Variants in NTM observed in about 807,000 individuals in gnomAD.
NTM encodes the protein IgLON family member 2.
NTM carries 13 observed loss-of-function variants against 42.1 expected under a neutral mutation model. The observed-to-expected ratio is 0.31, with a 90% CI of 0.20 to 0.49. NTM has a LOEUF of 0.49. Ranked by LOEUF, NTM falls within the 20% of genes least tolerant of loss-of-function variation. NTM has a pLI of 0.99. For missense variants in NTM, 373 were observed against 452.8 expected, an observed-to-expected ratio of 0.82 and a Z score of 1.60; for synonymous variants, 187 against 179.2, an observed-to-expected ratio of 1.04 and a Z score of -0.35.
At chr11:131,795,011 C>G (rs956841579) in intron 1 of NTM, 2 of 985,008 alleles carry the variant, frequency 2.0e-6, no homozygotes, top group Non-Finnish European at 2.4e-6. Context: ...AGTACTCAGC[C>G]GTGCTCCTTC....
intron 2 of NTM, among the ~76,000 whole-genome samples, chr11:131,952,166 C>T (rs565745260): frequency 6.6e-6 from 1 of 152,242 alleles, no homozygotes; most frequent in South Asian, 2.1e-4. Flanking sequence ...TCATAAAACA[C>T]ATCTCCGATT....
chr11:132,150,944 T>C (rs2071758670), intron 3 of NTM, among the ~76,000 whole-genome samples: 1 of 152,200 alleles, frequency 6.6e-6, no homozygotes, highest in Non-Finnish European at 1.5e-5. Context: ...AAATGTGAAA[T>C]GTAAGAAATA....
intron 1 of NTM, among the ~76,000 whole-genome samples, chr11:131,486,883 A>C (rs10736598): frequency 0.39 from 58,860 of 152,168 alleles, 11,512 homozygotes; most frequent in East Asian, 0.49. Flanking sequence ...GCGGGATGCC[A>C]GCCCTGGATG....
At chr11:131,468,701 T>A (rs1952130535) in intron 1 of NTM, among the ~76,000 whole-genome samples, 2 of 152,130 alleles carry the variant, frequency 1.3e-5, no homozygotes, top group African/African-American at 4.8e-5. Context: ...GTCTGTCGAG[T>A]TGTTAACAGA....
chr11:131,760,003 G>C (rs1298715374), intron 1 of NTM, among the ~76,000 whole-genome samples: 1 of 152,114 alleles, frequency 6.6e-6, no homozygotes, highest in African/African-American at 2.4e-5. Flanking sequence ...TATTAAAGGA[G>C]GCTGGATCAC....
At chr11:131,401,510 C>A (rs1160628818) in intron 1 of NTM, among the ~76,000 whole-genome samples, 2 of 151,734 alleles carry the variant, frequency 1.3e-5, no homozygotes, top group Admixed American at 6.6e-5. Flanking sequence ...TGTAGCCATA[C>A]TTGATACATA....
At chr11:132,333,312 G>C in intron 8 of NTM, among the ~76,000 whole-genome samples, 1 of 152,126 alleles carries the variant, frequency 6.6e-6, no homozygotes, top group Admixed American at 6.6e-5. Flanking sequence ...GAGTTGCCTA[G>C]AGGGGAAGGA....
rs149953874 is a variant in NTM, at chr11:131,590,035, G to A, written c.82+219147G>A. 3.1e-3 allele frequency among the ~76,000 whole-genome samples: 467 copies of A among 152,294 alleles called. 2 individuals are homozygous for A. The highest frequency in any genetic ancestry group is 0.01 in the African/African-American group (422 of 41,562). On this transcript the variant is annotated intron_variant, in intron 1 of 8. Coordinates refer to ENST00000683400, the MANE Select transcript of NTM (RefSeq NM_001352005.2). The stretch of plus-strand genomic sequence containing the variant: ...ACTGGAACGTTCTCACTCCAAGGCT[G>A]GAAAAATGACTCCCAGGATAATCTG...
At chr11:131,739,620 G>A (rs994919555) in intron 1 of NTM, among the ~76,000 whole-genome samples, 4 of 152,312 alleles carry the variant, frequency 2.6e-5, no homozygotes, top group Middle Eastern at 3.4e-3. Flanking sequence ...TCAGTGCCAC[G>A]TTTTGGAACT....
At chr11:132,327,839 C>T in intron 7 of NTM, among the ~76,000 whole-genome samples, 1 of 151,628 alleles carries the variant, frequency 6.6e-6, no homozygotes, top group East Asian at 1.9e-4. Flanking sequence ...CCCTTCCTTC[C>T]TTCCTTCCAT....
Position 131,745,724 on chromosome 11 carries a change from G to GA in NTM, c.83-165831dup, listed in dbSNP as rs201059163. ...ATATCTAACCTATAGTAGGTGGTGAGAAAAAAAAATGAGACAAATGAGACA... is the reference window on the plus strand; with the variant it reads ...ATATCTAACCTATAGTAGGTGGTGAGAAAAAAAAAATGAGACAAATGAGACA... On this transcript the variant is annotated intron_variant, in intron 1 of 8. Transcript: ENST00000683400. 2.1e-3 allele frequency among the ~76,000 whole-genome samples: 321 copies of GA among 149,854 alleles called. 1 individual carries two copies. Among genetic ancestry groups the GA allele is most frequent in the Non-Finnish European group, 3.3e-3 (220 of 67,372 alleles).
At chr11:131,935,200 C>A (rs896254603) in intron 2 of NTM, among the ~76,000 whole-genome samples, 3 of 152,042 alleles carry the variant, frequency 2.0e-5, no homozygotes, top group Non-Finnish European at 4.4e-5. Flanking sequence ...AACAGAGTAA[C>A]GGTGGTTTTG....
At chr11:131,911,402 A>C (rs2054946559) in intron 1 of NTM, 162 bp from the exon 2 acceptor site, 2 of 1,597,668 alleles carry the variant, frequency 1.3e-6, no homozygotes, top group South Asian at 1.1e-5. Flanking sequence ...CTCGCTCCGC[A>C]CCCCACCCAC....
Position 131,613,222 on chromosome 11 carries a change from G to A in NTM, c.82+242334G>A, listed in dbSNP as rs73590421. Among the ~76,000 whole-genome samples the A allele has an allele frequency of 3.3e-3, 505 of 152,148 alleles. 5 individuals carry two copies. The highest frequency in any genetic ancestry group is 0.011 in the African/African-American group (467 of 41,508). ...ACCCTCAGGTCTGGGCACTCTCCTCGCCCTGGAAGCTCATAGGCCACTCCG... is the reference window on the plus strand; with the variant it reads ...ACCCTCAGGTCTGGGCACTCTCCTCACCCTGGAAGCTCATAGGCCACTCCG... On this transcript the variant is annotated intron_variant, in intron 1 of 8. Coordinates refer to ENST00000683400, the MANE Select transcript of NTM (RefSeq NM_001352005.2).
intron 1 of NTM, among the ~76,000 whole-genome samples, chr11:131,507,869 G>T (rs1334314710): frequency 6.6e-6 from 1 of 151,534 alleles, no homozygotes; most frequent in Non-Finnish European, 1.5e-5. Context: ...GTCTGTTGTT[G>T]GTGTATAAGA....
chr11:131,761,581 A>T (rs929860032), intron 1 of NTM, among the ~76,000 whole-genome samples: 1 of 152,072 alleles, frequency 6.6e-6, no homozygotes, highest in African/African-American at 2.4e-5. Flanking sequence ...AGGTGGGCAG[A>T]TCACCTGAGG....
At chr11:132,022,789 G>T (rs1305752991) in intron 2 of NTM, among the ~76,000 whole-genome samples, 1 of 152,180 alleles carries the variant, frequency 6.6e-6, no homozygotes. Flanking sequence ...AAGAAAATGT[G>T]CACTGTGGTC....
intron 1 of NTM, among the ~76,000 whole-genome samples, chr11:131,576,160 C>G (rs1228452108): frequency 5.3e-5 from 8 of 152,162 alleles, no homozygotes; most frequent in Non-Finnish European, 5.9e-5. Flanking sequence ...AAGGACCCAG[C>G]CCCCAGACCA....
At chr11:131,491,416 T>C (rs983175620) in intron 1 of NTM, among the ~76,000 whole-genome samples, 1 of 140,924 alleles carries the variant, frequency 7.1e-6, no homozygotes, top group East Asian at 1.9e-4. Context: ...TGTGGGTATA[T>C]TTTAGCCTTT....
Sources: gnomAD v4.1 joint callset for allele counts (sites outside exome capture counted in the v4.1 genomes callset) on GRCh38, gnomAD v4.1.1 for gene constraint, MANE v1.5 for transcripts, NCBI Gene and HGNC (gene_info 2026-07-23, HGNC 2026-07-21) for gene names.